RPRD2: variants seen among roughly 807,000 people sequenced by gnomAD.
The protein encoded by RPRD2 is regulation of nuclear pre-mRNA domain containing 2, also known as regulation of nuclear pre-mRNA domain-containing protein 2.
A neutral mutation model predicts 104.4 loss-of-function variants in RPRD2; 12 were observed. The ratio of observed to expected loss-of-function variants is 0.11; its 90% CI spans 0.07 to 0.19. The LOEUF (loss-of-function observed/expected upper bound fraction) is 0.19, where lower values mean the gene tolerates loss of function less well. RPRD2 is among the 10% of genes least tolerant of loss of function. The probability of loss-of-function intolerance (pLI) is 1.00; values close to 1 mark genes in which losing one functional copy is unlikely to be tolerated. For missense variants in RPRD2, 1,543 were observed against 1,790.1 expected (o/e 0.86, Z 2.49); for synonymous variants, 714 against 684.9 (o/e 1.04, Z -0.66).
chr1:150,454,669 G>C (rs1054897684), intron 7 of RPRD2, among the ~76,000 whole-genome samples: 2 of 152,030 alleles, frequency 1.3e-5, no homozygotes, highest in African/African-American at 4.8e-5. Context: ...CCAACATGGC[G>C]AAATTTTGTC....
At chr1:150,379,360 G>A (rs1373137279) in intron 1 of RPRD2, among the ~76,000 whole-genome samples, 1 of 151,912 alleles carries the variant, frequency 6.6e-6, no homozygotes, top group Non-Finnish European at 1.5e-5. Flanking sequence ...GTTAATGGAT[G>A]TTTTTAAATT....
At chr1:150,414,571 G>A (rs1413069880) in intron 1 of RPRD2, among the ~76,000 whole-genome samples, 6 of 152,068 alleles carry the variant, frequency 3.9e-5, no homozygotes, top group Non-Finnish European at 8.8e-5. Context: ...GGAGAGGTAG[G>A]ATGAAAACCA....
chr1:150,442,930 C>T (rs1560206692), intron 4 of RPRD2, among the ~76,000 whole-genome samples: 1 of 151,472 alleles, frequency 6.6e-6, no homozygotes, highest in African/African-American at 2.4e-5. Flanking sequence ...TACACCCAGA[C>T]TAGGAAAAAA....
chr1:150,369,055 C>T (rs1660067026), intron 1 of RPRD2, among the ~76,000 whole-genome samples: 1 of 152,180 alleles, frequency 6.6e-6, no homozygotes, highest in Admixed American at 6.5e-5. Flanking sequence ...CCCCAAACAA[C>T]TAGGATAGTG....
intron 1 of RPRD2, 114 bp from the exon 2 acceptor site, chr1:150,417,482 A>T: frequency 5.2e-6 from 4 of 767,798 alleles, no homozygotes; most frequent in East Asian, 2.8e-5. Context: ...TTTTATATCC[A>T]TGTAAGAAAA....
In RPRD2 at chr1:150,471,831, G is replaced by A. The variant is rs1668606742; in HGVS notation, c.2883G>A (p.Gln961=). 1 of 1,613,904 alleles carries A rather than the reference G, an allele frequency of 6.2e-7. No homozygotes were observed. Among genetic ancestry groups the A allele is most frequent in the Non-Finnish European group, 8.5e-7 (1 of 1,179,880 alleles). ...GGCATCTCAGTTTGCCACAGAAGCA[G>A]TACCCAGACTCTCCTCACCCAGTCC... ...TTGHLSLPQK[Q]YPDSPHPVPH... The change falls in exon 11 of 11, where the codon CAG becomes CAA. Residue 961 remains glutamine (Q), a synonymous_variant. Coordinates refer to ENST00000369068, the MANE Select transcript of RPRD2 (RefSeq NM_015203.5). The surrounding 1 kb of genome is among the most constrained non-coding windows in gnomAD (Gnocchi z 5.3).
intron 1 of RPRD2, among the ~76,000 whole-genome samples, chr1:150,371,491 G>GT (rs144562497): frequency 0.016 from 2,455 of 152,270 alleles, 54 homozygotes; most frequent in African/African-American, 0.055. Flanking sequence ...AGCCTCCTGA[G>GT]TAGCTGGTAG....
At chr1:150,370,739 A>C (rs2102081035) in intron 1 of RPRD2, among the ~76,000 whole-genome samples, 1 of 151,688 alleles carries the variant, frequency 6.6e-6, no homozygotes, top group South Asian at 2.1e-4. Flanking sequence ...ACACCCAGCT[A>C]ATTTTTTGTA....
chr1:150,400,121 TA>T (rs1553885033), intron 1 of RPRD2, among the ~76,000 whole-genome samples: 4 of 152,230 alleles, frequency 2.6e-5, no homozygotes, highest in African/African-American at 9.6e-5. Flanking sequence ...GGTGATAATC[TA>T]AGTCTTTCAT....
chr1:150,417,911 T>C (rs587762559), intron 2 of RPRD2, among the ~76,000 whole-genome samples, 186 bp downstream of exon 2: 49 of 113,690 alleles, frequency 4.3e-4, no homozygotes, highest in African/African-American at 1.8e-3. Flanking sequence ...CTTTTCTTTT[T>C]CTCTCTCTCT....
chr1:150,437,681 C>T (rs1666099637), intron 2 of RPRD2, among the ~76,000 whole-genome samples: 1 of 151,962 alleles, frequency 6.6e-6, no homozygotes, highest in Non-Finnish European at 1.5e-5. Context: ...CTGGTCTCAA[C>T]CGATTCCCCC....
chr1:150,367,247 C>T (rs1352617412), intron 1 of RPRD2, among the ~76,000 whole-genome samples: 1 of 152,122 alleles, frequency 6.6e-6, no homozygotes, highest in East Asian at 1.9e-4. Context: ...GTAAATAAAG[C>T]GTTTTGAGAG....
At chr1:150,424,910 A>G (rs991367436) in intron 2 of RPRD2, among the ~76,000 whole-genome samples, 15 of 151,978 alleles carry the variant, frequency 9.9e-5, no homozygotes, top group African/African-American at 3.6e-4. Flanking sequence ...TCTGTTTGAT[A>G]TATTTATATT....
intron 7 of RPRD2, among the ~76,000 whole-genome samples, chr1:150,456,808 C>T (rs11205380): frequency 0.22 from 33,359 of 151,114 alleles, 4,172 homozygotes; most frequent in African/African-American, 0.32. Flanking sequence ...GCCTATAATT[C>T]CAGCTACTTG....
intron 1 of RPRD2, among the ~76,000 whole-genome samples, chr1:150,396,057 A>C (rs1386187627): frequency 6.6e-6 from 1 of 152,106 alleles, no homozygotes; most frequent in African/African-American, 2.4e-5. Context: ...AGGTGGTATC[A>C]CATTGTGGTT....
At position 150,474,414 on chromosome 1, in the gene RPRD2, A is replaced by G. The variant is rs1483370042; in HGVS notation, c.*1080A>G. 1 of 152,082 alleles carries G rather than the reference A, an allele frequency of 6.6e-6. No individual in the cohort carries two copies. Among genetic ancestry groups the G allele is most frequent in the Non-Finnish European group, 1.5e-5 (1 of 68,022 alleles). 9.4% of individuals were successfully genotyped at this position (152,082 alleles called of 1,614,324 possible). A position where few individuals can be genotyped will look rare whatever the true frequency, so the allele number is the denominator to read the frequency against. On this transcript the variant is annotated 3_prime_UTR_variant, in exon 11 of 11. Transcript: ENST00000369068. ...TATTCACCCCTATTCTTGATATTTT[A>G]AAGGAGGAGATTCAGTAGCATTTTC...
chr1:150,440,748 A>T (rs1256794204), intron 2 of RPRD2, among the ~76,000 whole-genome samples, 175 bp from the exon 3 acceptor site: 1 of 152,210 alleles, frequency 6.6e-6, no homozygotes, highest in Non-Finnish European at 1.5e-5. Flanking sequence ...TTTAAGTTAA[A>T]ATAATCTTAA....
intron 1 of RPRD2, among the ~76,000 whole-genome samples, chr1:150,390,642 A>G (rs1342920304): frequency 3.3e-5 from 5 of 152,240 alleles, no homozygotes; most frequent in African/African-American, 7.2e-5. Context: ...AAATAAAAGT[A>G]TAACTGTTGA....
intron 1 of RPRD2, among the ~76,000 whole-genome samples, chr1:150,413,939 A>C (rs1193011546): frequency 6.6e-6 from 1 of 151,864 alleles, no homozygotes; most frequent in Non-Finnish European, 1.5e-5. Context: ...AAGAAAAAAA[A>C]AAAATTAGCC....
Sources: allele counts gnomAD v4.1 joint callset (sites outside exome capture counted in the v4.1 genomes callset), GRCh38; gene constraint gnomAD v4.1.1; non-coding constraint Gnocchi (gnomAD v3.1); transcripts MANE v1.5; gene names NCBI Gene and HGNC (gene_info 2026-07-23, HGNC 2026-07-21).